The following ATP11C variants were observed in gnomAD, a reference collection of about 807,000 sequenced individuals.
The protein encoded by ATP11C is ATPase phospholipid transporting 11C (ATP11C blood group), also known as phospholipid-transporting ATPase IG.
A neutral mutation model predicts 97.4 loss-of-function variants in ATP11C; 36 were observed. That is an observed-to-expected ratio of 0.37 (90% confidence interval 0.28 to 0.49). ATP11C has a LOEUF of 0.49. Among genes scored for constraint, ATP11C ranks in the 20% least tolerant of loss-of-function variants. ATP11C has a pLI of 0.98. For synonymous variants in ATP11C, 275 were observed against 290.9 expected, an observed-to-expected ratio of 0.95 and a Z score of 0.56; for missense variants, 730 against 824.6, an observed-to-expected ratio of 0.89 and a Z score of 1.40.
intron 1 of ATP11C, among the ~76,000 whole-genome samples, chrX:139,833,835 G>T (rs1240496603): frequency 9.0e-6 from 1 of 111,066 alleles, no homozygotes; most frequent in Non-Finnish European, 1.9e-5. Context: ...AAATGGCTTA[G>T]TTGAGCCTCA....
intron 1 of ATP11C, among the ~76,000 whole-genome samples, chrX:139,852,450 TGCGGGGGG>T (rs2084007688): frequency 9.4e-4 from 1 of 1,065 alleles, no homozygotes; most frequent in South Asian, 0.067. Flanking sequence ...CTCTCAGCAA[TGCGGGGGG>T]GGGGGGGGGG....
At chrX:139,832,200 A>G (rs777501329) in intron 1 of ATP11C, 1 of 1,207,701 alleles carries the variant, frequency 8.3e-7, no homozygotes, top group Non-Finnish European at 1.1e-6. Context: ...ACTGACATGC[A>G]GAAATTTGGC....
intron 1 of ATP11C, among the ~76,000 whole-genome samples, chrX:139,902,169 A>C (rs1483977557): frequency 9.0e-5 from 10 of 110,933 alleles, no homozygotes; most frequent in Admixed American, 4.8e-4. Flanking sequence ...TCTCTTATCT[A>C]CCTATGACCT....
intron 1 of ATP11C, among the ~76,000 whole-genome samples, chrX:139,891,964 C>T (rs924244441): frequency 9.0e-6 from 1 of 110,924 alleles, no homozygotes; most frequent in Non-Finnish European, 1.9e-5. Flanking sequence ...TCAAGCAATT[C>T]TCATGCCTCA....
intron 18 of ATP11C, among the ~76,000 whole-genome samples, chrX:139,775,734 C>T (rs765244742): frequency 8.9e-6 from 1 of 112,650 alleles, no homozygotes; most frequent in Non-Finnish European, 1.9e-5. Context: ...CCATCAGTGG[C>T]GATATAGGAG....
At chrX:139,883,875 T>C (rs1474359944) in intron 1 of ATP11C, among the ~76,000 whole-genome samples, 1 of 111,837 alleles carries the variant, frequency 8.9e-6, no homozygotes, top group Non-Finnish European at 1.9e-5. Flanking sequence ...ACTTACTTAT[T>C]ACATTGTGAC....
At chrX:139,883,024 C>T (rs760354558) in intron 1 of ATP11C, among the ~76,000 whole-genome samples, 2 of 111,199 alleles carry the variant, frequency 1.8e-5, no homozygotes, top group South Asian at 7.6e-4. Context: ...AAGGAAAGGG[C>T]ATGTTTTTCA....
At chrX:139,908,580 G>A (rs1284218688) in intron 1 of ATP11C, among the ~76,000 whole-genome samples, 1 of 112,241 alleles carries the variant, frequency 8.9e-6, no homozygotes, top group Admixed American at 9.5e-5. Context: ...CTTCACTAAA[G>A]ATGTTGCATG....
At position 139,867,087 on chromosome X, in the gene ATP11C, A is replaced by AAAAAC. The variant is rs768116165; in HGVS notation, c.28-40269_28-40265dup. Among the ~76,000 whole-genome samples, 835 of 111,907 alleles carry AAAAAC rather than the reference A, an allele frequency of 7.5e-3. 1 individual carries two copies. The highest frequency in any genetic ancestry group is 0.012 in the Non-Finnish European group (659 of 53,172). On this transcript the variant is annotated intron_variant, in intron 1 of 29. Transcript: ENST00000682941. ...AGCGACAGAGCAAGACCCTGTCTTC[A>AAAAAC]AAAACAAAACAAAACAAAATTTACT...
At chrX:139,934,166 C>T (rs1004806928), upstream of ATP11C, among the ~76,000 whole-genome samples, 1 of 111,741 alleles carries the variant, frequency 8.9e-6, no homozygotes, top group Non-Finnish European at 1.9e-5. Flanking sequence ...TAGTGGCAGA[C>T]GCCCAGGACG....
At chrX:139,935,811 G>A (rs1413517446), upstream of ATP11C, among the ~76,000 whole-genome samples, 3 of 110,815 alleles carry the variant, frequency 2.7e-5, no homozygotes, top group Non-Finnish European at 3.8e-5. Context: ...ACAACATAGC[G>A]AAACCCTGTC....
chrX:139,793,089 G>A (rs926302753), intron 12 of ATP11C, among the ~76,000 whole-genome samples: 7 of 111,431 alleles, frequency 6.3e-5, no homozygotes, highest in African/African-American at 2.0e-4. Flanking sequence ...TGAACTAGAG[G>A]ACACCCAGTT....
At chrX:139,811,800 T>A (rs767080199) in intron 5 of ATP11C, among the ~76,000 whole-genome samples, 1 of 111,287 alleles carries the variant, frequency 9.0e-6, no homozygotes, top group South Asian at 3.8e-4. Context: ...GGTTTCATCA[T>A]CTGTAAAGAG....
chrX:139,898,539 G>A (rs771034435), intron 1 of ATP11C, among the ~76,000 whole-genome samples: 3 of 111,407 alleles, frequency 2.7e-5, no homozygotes, highest in Non-Finnish European at 5.6e-5. Flanking sequence ...TTGGAGGCTG[G>A]GGGATGAGTA....
intron 1 of ATP11C, among the ~76,000 whole-genome samples, chrX:139,841,879 A>G (rs182936925): frequency 8.9e-6 from 1 of 112,365 alleles, no homozygotes; most frequent in Non-Finnish European, 1.9e-5. Flanking sequence ...GATTTCCCTA[A>G]GGAAAGTTAT....
At chrX:139,754,918 C>T (rs1285581807) in intron 23 of ATP11C, among the ~76,000 whole-genome samples, 3 of 111,657 alleles carry the variant, frequency 2.7e-5, no homozygotes, top group Non-Finnish European at 3.8e-5. Flanking sequence ...AGCATTCCCT[C>T]AAAAACCAGA....
intron 24 of ATP11C, among the ~76,000 whole-genome samples, chrX:139,747,257 G>C (rs1300504678): frequency 8.9e-6 from 1 of 112,061 alleles, no homozygotes; most frequent in Non-Finnish European, 1.9e-5. Context: ...GGCTGGGGAA[G>C]AAAGGGCAAA....
intron 21 of ATP11C, 136 bp downstream of exon 21, chrX:139,763,180 T>A: frequency 2.1e-6 from 1 of 477,447 alleles, no homozygotes; most frequent in South Asian, 3.4e-5. Context: ...GAGGCCTCCA[T>A]TTAATTAACA....
intron 1 of ATP11C, among the ~76,000 whole-genome samples, chrX:139,861,442 TAAC>T (rs2084194695): frequency 9.0e-6 from 1 of 111,668 alleles, no homozygotes; most frequent in Non-Finnish European, 1.9e-5. Flanking sequence ...CAAGTGGAGA[TAAC>T]AATATTAAAG....
Sources: gnomAD v4.1 joint callset for allele counts (sites outside exome capture counted in the v4.1 genomes callset) on GRCh38, gnomAD v4.1.1 for gene constraint, MANE v1.5 for transcripts, NCBI Gene and HGNC (gene_info 2026-07-23, HGNC 2026-07-21) for gene names.